Variants in DAZAP1 observed in about 807,000 individuals in gnomAD.
The protein encoded by DAZAP1 is DAZ associated protein 1, also known as DAZ-associated protein 1.
Under a neutral mutation model 60.1 loss-of-function variants are expected in DAZAP1, and 6 were observed. The ratio of observed to expected loss-of-function variants is 0.10; its 90% CI spans 0.05 to 0.20. The LOEUF is 0.20. Ranked by LOEUF, DAZAP1 falls within the 10% of genes least tolerant of loss-of-function variation. The pLI is 1.00. For synonymous variants in DAZAP1, 235 were observed against 215.9 expected (o/e 1.09, Z -0.78); for missense variants, 366 against 560.4 (o/e 0.65, Z 3.50).
Position 1,428,142 on chromosome 19 carries a change from G to A in DAZAP1, c.547-700G>A, listed in dbSNP as rs1375171362. 1 of 152,278 alleles carries A rather than the reference G, an allele frequency of 6.6e-6. No homozygotes were observed. The highest frequency in any genetic ancestry group is 6.5e-5 in the Admixed American group (1 of 15,274). The allele number at this position is 152,278 out of a possible 1,614,324, so 9.4% of individuals were successfully genotyped here. On this transcript the variant is annotated intron_variant, in intron 7 of 11. Transcript: ENST00000233078. This position sits in a 1 kb window ranked among gnomAD's most constrained non-coding sequence, Gnocchi z 4.0. ...TGTGGCTCCTGACACGTCTAGAGAG[G>A]AAGGGCCCCGGGCTGCTGAGCGAAC...
intron 1 of DAZAP1, among the ~76,000 whole-genome samples, chr19:1,411,735 G>C (rs1206298195): frequency 1.3e-5 from 2 of 152,250 alleles, no homozygotes; most frequent in Non-Finnish European, 2.9e-5. Context: ...CAGAGGAGTT[G>C]AGGGATGGGC....
intron 2 of DAZAP1, 108 bp downstream of exon 2, chr19:1,417,648 CT>C: frequency 2.8e-6 from 3 of 1,055,536 alleles, no homozygotes; most frequent in East Asian, 2.6e-5. Flanking sequence ...TTTTAAAGTC[CT>C]TTTGACGTTG....
intron 8 of DAZAP1, 79 bp from the exon 9 acceptor site, chr19:1,429,888 T>G: frequency 1.3e-6 from 2 of 1,539,232 alleles, no homozygotes; most frequent in Non-Finnish European, 1.8e-6. Flanking sequence ...GCCCTTGACG[T>G]CCATGCTCTG....
chr19:1,424,293 T>TGCCTTCCTGGTCCCTC (rs2083245035), intron 6 of DAZAP1, among the ~76,000 whole-genome samples: 1 of 148,446 alleles, frequency 6.7e-6, no homozygotes, highest in East Asian at 2.1e-4. Context: ...CTGTGTGCCT[T>TGCCTTCCTGGTCCCTC]GCCTTCCTGG....
Position 1,407,662 on chromosome 19 carries a change from GTT to G in DAZAP1, c.-111_-110del, listed in dbSNP as rs1371386043. The G allele has an allele frequency of 3.9e-4, 373 of 954,026 alleles. No individual in the cohort carries two copies. The highest frequency in any genetic ancestry group is 4.3e-4 in the Non-Finnish European group (343 of 797,534). The allele number at this position is 954,026 out of a possible 1,614,324, so 59.1% of individuals were successfully genotyped here. A position where few individuals can be genotyped will look rare whatever the true frequency, so the allele number is the denominator to read the frequency against. On this transcript the variant is annotated 5_prime_UTR_variant, in exon 1 of 12. Coordinates refer to ENST00000233078, the MANE Select transcript of DAZAP1 (RefSeq NM_018959.4). ...CGCCGCCGCCGCCGCCGCCGCCGCCGTTGCGCAGATCCGGGCCGCGGCTGTGG... is the reference window on the plus strand; with the variant it reads ...CGCCGCCGCCGCCGCCGCCGCCGCCGGCGCAGATCCGGGCCGCGGCTGTGG...
Position 1,425,802 on chromosome 19 carries a change from G to C in DAZAP1, c.464-76G>C. 2 of 1,051,440 alleles carry C rather than the reference G, an allele frequency of 1.9e-6. No homozygotes were observed. Among genetic ancestry groups the C allele is most frequent in the South Asian group, 2.5e-5 (2 of 79,494 alleles). 65.1% of individuals were successfully genotyped at this position (1,051,440 alleles called of 1,614,324 possible). The stretch of plus-strand genomic sequence containing the variant: ...AAACCCAAGGTCGATCCCTCGGCCC[G>C]TCCCTAATACTGTTCATCATCCTGT... On this transcript the variant is annotated intron_variant, in intron 6 of 11. Coordinates refer to ENST00000233078, the MANE Select transcript of DAZAP1 (RefSeq NM_018959.4). The surrounding 1 kb of genome is among the most constrained non-coding windows in gnomAD (Gnocchi z 5.4).
chr19:1,420,786 C>T (rs976163402), intron 4 of DAZAP1, among the ~76,000 whole-genome samples: 2 of 152,230 alleles, frequency 1.3e-5, no homozygotes, highest in Non-Finnish European at 2.9e-5. Context: ...ATTTCGTCGT[C>T]GCTGCTGCCT....
At chr19:1,408,688 C>G (rs2082736769) in intron 1 of DAZAP1, among the ~76,000 whole-genome samples, 1 of 152,196 alleles carries the variant, frequency 6.6e-6, no homozygotes, top group African/African-American at 2.4e-5. Context: ...GCTTCCGAGG[C>G]GGCGACGGGC....
chr19:1,417,396 C>A, intron 1 of DAZAP1, 104 bp from the exon 2 acceptor site: 1 of 1,316,602 alleles, frequency 7.6e-7, no homozygotes, highest in Non-Finnish European at 1.1e-6. Flanking sequence ...ACGTTTGCGT[C>A]AGCTGCTTCT....
chr19:1,417,371 G>A (rs1033192366), intron 1 of DAZAP1, 129 bp from the exon 2 acceptor site: 9 of 1,004,492 alleles, frequency 9.0e-6, no homozygotes, highest in Admixed American at 2.2e-5. Context: ...TTTGTATGCC[G>A]TCACGTGCAC....
Position 1,433,766 on chromosome 19 carries a change from C to T in DAZAP1, c.1049-971C>T, listed in dbSNP as rs375423378. The T allele has an allele frequency of 2.1e-5, 34 of 1,613,938 alleles. No individual in the cohort carries two copies. Among genetic ancestry groups the T allele is most frequent in the Middle Eastern group, 1.7e-4 (1 of 6,058 alleles). Reference sequence around the variant, plus strand: ...CTGGGTTCCTATTCTCCAGCCCCGCCGGGCTGCGGCCCACACTTTGTTTAC... The same window carrying T: ...CTGGGTTCCTATTCTCCAGCCCCGCTGGGCTGCGGCCCACACTTTGTTTAC... On this transcript the variant is annotated intron_variant, in intron 11 of 11. Transcript: ENST00000233078. This position sits in a 1 kb window ranked among gnomAD's most constrained non-coding sequence, Gnocchi z 6.1.
Position 1,432,256 on chromosome 19 carries a change from T to C in DAZAP1, c.872-258T>C. 1 of 540,170 alleles carries C rather than the reference T, an allele frequency of 1.9e-6. No individual in the cohort carries two copies. The highest frequency in any genetic ancestry group is 2.3e-5 in the South Asian group (1 of 44,054). 33.5% of individuals were successfully genotyped at this position (540,170 alleles called of 1,614,324 possible). On this transcript the variant is annotated intron_variant, in intron 10 of 11. Coordinates refer to ENST00000233078, the MANE Select transcript of DAZAP1 (RefSeq NM_018959.4). The surrounding 1 kb of genome is among the most constrained non-coding windows in gnomAD (Gnocchi z 4.9). ...TCTTGTCTGAGGCCCACCTGGCGGC[T>C]GCTCCGTGAGGAACGAGGTGGCCCT... is the stretch of plus-strand genomic sequence containing the variant.
In DAZAP1 at chr19:1,423,595, G is replaced by A. The variant is rs1049690714; in HGVS notation, c.463+1199G>A. Among the ~76,000 whole-genome samples the A allele has an allele frequency of 2.0e-5, 3 of 152,220 alleles. No homozygotes were observed. Among genetic ancestry groups the A allele is most frequent in the Non-Finnish European group, 2.9e-5 (2 of 68,042 alleles). On this transcript the variant is annotated intron_variant, in intron 6 of 11. Transcript: ENST00000233078. This position sits in a 1 kb window ranked among gnomAD's most constrained non-coding sequence, Gnocchi z 6.8. The stretch of plus-strand genomic sequence containing the variant: ...CGCATTCCTAGACAGCGCTCAGGGC[G>A]CCTCCCCCAGGACCCAGCGCCTCTT...
At chr19:1,417,388 G>A (rs958440507) in intron 1 of DAZAP1, 112 bp from the exon 2 acceptor site, 28 of 1,222,440 alleles carry the variant, frequency 2.3e-5, no homozygotes, top group African/African-American at 1.5e-4. Flanking sequence ...GCACAAGGAC[G>A]TTTGCGTCAG....
chr19:1,434,969 C>A lies in DAZAP1; in HGVS notation c.*57C>A. 8.7e-7 allele frequency: 1 copy of A among 1,149,350 alleles called. No individual in the cohort carries two copies. Among genetic ancestry groups the A allele is most frequent in the Non-Finnish European group, 1.1e-6 (1 of 931,640 alleles). 71.2% of individuals were successfully genotyped at this position (1,149,350 alleles called of 1,614,324 possible). A position where few individuals can be genotyped will look rare whatever the true frequency, so the allele number is the denominator to read the frequency against. The stretch of plus-strand genomic sequence containing the variant: ...ACCCAGGATTCCAAACTTGTGAACT[C>A]GTGACAATCACAAACTTGGCGGCAA... On this transcript the variant is annotated 3_prime_UTR_variant, in exon 12 of 12. Transcript: ENST00000233078. This position sits in a 1 kb window ranked among gnomAD's most constrained non-coding sequence, Gnocchi z 8.0.
At chr19:1,415,183 G>A (rs902338915) in intron 1 of DAZAP1, among the ~76,000 whole-genome samples, 16 of 151,958 alleles carry the variant, frequency 1.1e-4, no homozygotes, top group Non-Finnish European at 2.1e-4. Context: ...AATGAAGACC[G>A]AAACTGGACT....
In DAZAP1 at chr19:1,434,388, G is replaced by A. The variant is rs1388886290; in HGVS notation, c.1049-349G>A. Reference sequence around the variant, plus strand: ...CAGCTTTCTAGAAGCCTGGTCCACCGTGCCTTGGGCCATGTGTGTCTCCAA... The same window carrying A: ...CAGCTTTCTAGAAGCCTGGTCCACCATGCCTTGGGCCATGTGTGTCTCCAA... On this transcript the variant is annotated intron_variant, in intron 11 of 11. Coordinates refer to ENST00000233078, the MANE Select transcript of DAZAP1 (RefSeq NM_018959.4). The surrounding 1 kb of genome is among the most constrained non-coding windows in gnomAD (Gnocchi z 8.0). 4.0e-6 allele frequency: 1 copy of A among 252,510 alleles called. No homozygotes were observed. Among genetic ancestry groups the A allele is most frequent in the East Asian group, 9.7e-5 (1 of 10,288 alleles). 15.6% of individuals were successfully genotyped at this position (252,510 alleles called of 1,614,324 possible).
chr19:1,416,957 G>A lies in DAZAP1; in HGVS notation c.30-543G>A, dbSNP rs2083003201. 6.2e-6 allele frequency: 1 copy of A among 160,376 alleles called. No individual in the cohort carries two copies. The highest frequency in any genetic ancestry group is 1.4e-5 in the Non-Finnish European group (1 of 73,440). 9.9% of individuals were successfully genotyped at this position (160,376 alleles called of 1,614,324 possible). A position where few individuals can be genotyped will look rare whatever the true frequency, so the allele number is the denominator to read the frequency against. Reference sequence around the variant, plus strand: ...GCCAGTGCTGAGACTGGAGCTTCAGGGCCTTCACCTTCATCTGTGGGCCTC... The same window carrying A: ...GCCAGTGCTGAGACTGGAGCTTCAGAGCCTTCACCTTCATCTGTGGGCCTC... On this transcript the variant is annotated intron_variant, in intron 1 of 11. Coordinates refer to ENST00000233078, the MANE Select transcript of DAZAP1 (RefSeq NM_018959.4). This position sits in a 1 kb window ranked among gnomAD's most constrained non-coding sequence, Gnocchi z 4.3.
At position 1,407,764 on chromosome 19, in the gene DAZAP1, C is replaced by T; in HGVS notation, c.-10C>T. The T allele has an allele frequency of 2.7e-6, 3 of 1,091,512 alleles. No individual in the cohort carries two copies. Among genetic ancestry groups the T allele is most frequent in the South Asian group, 8.3e-5 (2 of 24,174 alleles). 67.6% of individuals were successfully genotyped at this position (1,091,512 alleles called of 1,614,324 possible). A position where few individuals can be genotyped will look rare whatever the true frequency, so the allele number is the denominator to read the frequency against. The stretch of plus-strand genomic sequence containing the variant: ...GCCCGGGAGCGCCGAGCGTCGCCGC[C>T]GCCGCCGCCATGAACAACTCGGGCG... On this transcript the variant is annotated 5_prime_UTR_variant, in exon 1 of 12. Coordinates refer to ENST00000233078, the MANE Select transcript of DAZAP1 (RefSeq NM_018959.4).
Sources: allele counts gnomAD v4.1 joint callset (sites outside exome capture counted in the v4.1 genomes callset), GRCh38; gene constraint gnomAD v4.1.1; non-coding constraint Gnocchi (gnomAD v3.1); transcripts MANE v1.5; gene names NCBI Gene and HGNC (gene_info 2026-07-23, HGNC 2026-07-21).